Variants in MORF4L1 observed in about 807,000 individuals in gnomAD.
The protein encoded by MORF4L1 is mortality factor 4 like 1, also known as mortality factor 4-like protein 1.
Under a neutral mutation model 52.9 loss-of-function variants are expected in MORF4L1, and 4 were observed. That is an observed-to-expected ratio of 0.08 (90% confidence interval 0.04 to 0.17). MORF4L1 has a LOEUF of 0.17. MORF4L1 is among the 10% of genes least tolerant of loss of function. The pLI is 1.00. For synonymous variants in MORF4L1, 123 were observed against 134.8 expected, an observed-to-expected ratio of 0.91 and a Z score of 0.61; for missense variants, 214 against 390.4, an observed-to-expected ratio of 0.55 and a Z score of 3.81.
Position 78,872,954 on chromosome 15 carries a change from G to T in MORF4L1, c.-64G>T. On this transcript the variant is annotated 5_prime_UTR_variant, in exon 1 of 12. Coordinates refer to ENST00000426013, the MANE Select transcript of MORF4L1 (RefSeq NM_006791.4). ...CGCGTCTGACGCGGAGTTGGGTGGG[G>T]TAGAGAGTAGGGGGCGGTAGTCGGG... 6.5e-7 allele frequency: 1 copy of T among 1,538,254 alleles called. No homozygotes were observed. The highest frequency in any genetic ancestry group is 8.8e-7 in the Non-Finnish European group (1 of 1,142,452).
rs79924372 is a variant in MORF4L1 at position 78,882,197 on chromosome 15, C to T, written c.155+1618C>T. On this transcript the variant is annotated intron_variant, in intron 3 of 11. Transcript: ENST00000426013. ...ATCAGTGAGGTGTGGTGGTGTGCAC[C>T]TGTAGCTACTTGGAAGGCTGAGGCA... Among the ~76,000 whole-genome samples, 863 of 152,206 alleles carry T rather than the reference C, an allele frequency of 5.7e-3. 5 individuals are homozygous for T. Among genetic ancestry groups the T allele is most frequent in the African/African-American group, 0.019 (802 of 41,522 alleles).
In MORF4L1 at chr15:78,884,012, TG is replaced by T. The variant is rs570182604; in HGVS notation, c.156-2127del. On this transcript the variant is annotated intron_variant, in intron 3 of 11. Coordinates refer to ENST00000426013, the MANE Select transcript of MORF4L1 (RefSeq NM_006791.4). ...CAAGGTCAGGAGTTCTAGACCAGCCTGGCCAACATGATGAAATCCCGTCTCT... is the reference window on the plus strand; with the variant it reads ...CAAGGTCAGGAGTTCTAGACCAGCCTGCCAACATGATGAAATCCCGTCTCT... Among the ~76,000 whole-genome samples the T allele has an allele frequency of 7.5e-4, 114 of 151,550 alleles. No homozygotes were observed. The East Asian group carries it at 0.022, about 29-fold the overall frequency.
rs540093259 is a variant in MORF4L1 at position 78,878,310 on chromosome 15, C to T, written c.87+51C>T. On this transcript the variant is annotated intron_variant, in intron 2 of 11. Transcript: ENST00000426013. ...AGTTGGCCAAAACTACTGGTTAGAT[C>T]TGGCCATTTAATATACAAGTACAGT... 4 of 1,543,612 alleles carry T rather than the reference C, an allele frequency of 2.6e-6. No individual in the cohort carries two copies. The South Asian group carries it at 4.7e-5, about 18-fold the overall frequency.
chr15:78,883,655 T>G (rs2056642194), intron 3 of MORF4L1, among the ~76,000 whole-genome samples: 1 of 152,212 alleles, frequency 6.6e-6, no homozygotes, highest in Non-Finnish European at 1.5e-5. Flanking sequence ...ATATTAGAGA[T>G]TTGTTACTAT....
chr15:78,878,299 A>T, intron 2 of MORF4L1, 40 bp downstream of exon 2: 3 of 1,589,942 alleles, frequency 1.9e-6, no homozygotes, highest in South Asian at 1.1e-5. Flanking sequence ...GGCCAAAACT[A>T]CTGGTTAGAT....
chr15:78,880,535 C>T lies in MORF4L1; in HGVS notation c.111C>T (p.Asp37=). ...EAKCVKVAIK[D]KQVKYFIHYS... ...AGTGTGTAAAGGTTGCCATAAAGGA[C>T]AAACAAGTGAAATACTTCATACATT... Residue 37 remains aspartate, a synonymous_variant, in exon 3 of 12, where the codon GAC becomes GAT. Coordinates refer to ENST00000426013, the MANE Select transcript of MORF4L1 (RefSeq NM_006791.4). 1 of 1,599,834 alleles carries T rather than the reference C, an allele frequency of 6.3e-7. No homozygotes were observed. Among genetic ancestry groups the T allele is most frequent in the East Asian group, 2.2e-5 (1 of 44,476 alleles).
intron 3 of MORF4L1, among the ~76,000 whole-genome samples, chr15:78,884,507 C>T (rs187057916): frequency 4.6e-5 from 7 of 150,934 alleles, no homozygotes; most frequent in Non-Finnish European, 1.0e-4. Context: ...GGCGTGGTGG[C>T]GCATGCCTGT....
At chr15:78,886,469 G>A (rs1220152968) in intron 4 of MORF4L1, 2 of 501,226 alleles carry the variant, frequency 4.0e-6, no homozygotes, top group Non-Finnish European at 7.3e-6. Context: ...AATGTTGTTG[G>A]AAATTGCTAT....
Position 78,885,235 on chromosome 15 carries a change from A to G in MORF4L1, c.156-906A>G, listed in dbSNP as rs527398502. 1.5e-4 allele frequency: 83 copies of G among 537,202 alleles called. No individual in the cohort carries two copies. In the African/African-American group the frequency reaches 1.6e-3, roughly 10 times the overall value. 33.3% of individuals were successfully genotyped at this position (537,202 alleles called of 1,614,324 possible). On this transcript the variant is annotated intron_variant, in intron 3 of 11. Coordinates refer to ENST00000426013, the MANE Select transcript of MORF4L1 (RefSeq NM_006791.4). ...TTTTTTTTTGTAATTGGGTGCCTTG[A>G]GAGTACACCTAATTGTGTCACTAAA...
In MORF4L1 at chr15:78,894,097, A is replaced by C. The variant is rs747254514; in HGVS notation, c.669A>C (p.Glu223Asp). ...AVNEVVAGIK[E>D]YFNVMLGTQL... ...ATGAAGTTGTGGCAGGGATAAAAGA[A>C]TACTTCAACGTAATGTTGGGTACCC... is the stretch of plus-strand genomic sequence containing the variant. The change falls in exon 10 of 12, where the codon GAA becomes GAC. Residue 223 changes from glutamate (E) to aspartate (D), a missense_variant. Coordinates refer to ENST00000426013, the MANE Select transcript of MORF4L1 (RefSeq NM_006791.4). 6.2e-7 allele frequency: 1 copy of C among 1,613,730 alleles called. No homozygotes were observed. The highest frequency in any genetic ancestry group is 8.5e-7 in the Non-Finnish European group (1 of 1,179,802).
At position 78,893,295 on chromosome 15, in the gene MORF4L1, A is replaced by G. The variant is rs141144240; in HGVS notation, c.541-244A>G. 5.6e-4 allele frequency among the ~76,000 whole-genome samples: 85 copies of G among 152,304 alleles called. 1 individual carries two copies. Among genetic ancestry groups the G allele is most frequent in the African/African-American group, 2.0e-3 (82 of 41,564 alleles). ...TGTTTAAATATATAGATGCTCCATA[A>G]CTTAGAATGGGGTTACATCGCAATA... is the stretch of plus-strand genomic sequence containing the variant. On this transcript the variant is annotated intron_variant, in intron 8 of 11. Coordinates refer to ENST00000426013, the MANE Select transcript of MORF4L1 (RefSeq NM_006791.4).
Position 78,872,950 on chromosome 15 carries a change from T to C in MORF4L1, c.-68T>C. 7.1e-7 allele frequency: 1 copy of C among 1,408,684 alleles called. No homozygotes were observed. The highest frequency in any genetic ancestry group is 9.3e-7 in the Non-Finnish European group (1 of 1,080,766). The allele number at this position is 1,408,684 out of a possible 1,614,324, so 87.3% of individuals were successfully genotyped here. On this transcript the variant is annotated 5_prime_UTR_variant, in exon 1 of 12. Transcript: ENST00000426013. ...ACGGCGCGTCTGACGCGGAGTTGGGTGGGGTAGAGAGTAGGGGGCGGTAGT... is the reference window on the plus strand; with the variant it reads ...ACGGCGCGTCTGACGCGGAGTTGGGCGGGGTAGAGAGTAGGGGGCGGTAGT...
At chr15:78,878,449 A>T (rs1329500683) in intron 2 of MORF4L1, among the ~76,000 whole-genome samples, 190 bp downstream of exon 2, 3 of 152,194 alleles carry the variant, frequency 2.0e-5, no homozygotes, top group Non-Finnish European at 4.4e-5. Flanking sequence ...GAATTAAAAC[A>T]TTGCTACTCT....
chr15:78,875,221 G>A (rs56281795), intron 1 of MORF4L1, among the ~76,000 whole-genome samples: 19,698 of 152,078 alleles, frequency 0.13, 1,346 homozygotes, highest in East Asian at 0.26. Flanking sequence ...AAAGTTAATC[G>A]CTGCTGTGGG....
At position 78,894,456 on chromosome 15, in the gene MORF4L1, T is replaced by G. The variant is rs577997623; in HGVS notation, c.802+226T>G. Reference sequence around the variant, plus strand: ...GACAGACAGTCTCTGTTGCCCAGGCTGGAGTGCAGTGGTGCGATCTTTGCT... The same window carrying G: ...GACAGACAGTCTCTGTTGCCCAGGCGGGAGTGCAGTGGTGCGATCTTTGCT... On this transcript the variant is annotated intron_variant, in intron 10 of 11. Coordinates refer to ENST00000426013, the MANE Select transcript of MORF4L1 (RefSeq NM_006791.4). 1.6e-3 allele frequency: 611 copies of G among 375,572 alleles called. 4 individuals carry two copies. Among genetic ancestry groups the G allele is most frequent in the African/African-American group, 0.012 (560 of 47,132 alleles). The allele number at this position is 375,572 out of a possible 1,614,324, so 23.3% of individuals were successfully genotyped here. A position where few individuals can be genotyped will look rare whatever the true frequency, so the allele number is the denominator to read the frequency against.
intron 6 of MORF4L1, 38 bp downstream of exon 6, chr15:78,891,052 C>T (rs1315505979): frequency 1.4e-5 from 21 of 1,464,010 alleles, no homozygotes; most frequent in Non-Finnish European, 2.0e-5. Context: ...ATTTATGTTA[C>T]CTCTATGACA....
Position 78,897,642 on chromosome 15 carries a change from C to T in MORF4L1, c.*575C>T, listed in dbSNP as rs3211409. 3.9e-5 allele frequency: 6 copies of T among 152,774 alleles called. No homozygotes were observed. In the South Asian group the frequency reaches 1.0e-3, roughly 26 times the overall value. 9.5% of individuals were successfully genotyped at this position (152,774 alleles called of 1,614,324 possible). On this transcript the variant is annotated 3_prime_UTR_variant, in exon 12 of 12. Transcript: ENST00000426013. ...CTAATGCACGTTTTAACATGATAGA[C>T]GCAATGCATTGTGTAGCTAGTTTTC... is the stretch of plus-strand genomic sequence containing the variant.
chr15:78,881,286 C>T (rs893521085), intron 3 of MORF4L1, among the ~76,000 whole-genome samples: 4 of 147,232 alleles, frequency 2.7e-5, no homozygotes, highest in Non-Finnish European at 3.0e-5. Context: ...ACCTCCGCCT[C>T]AGGGGTTCAG....
chr15:78,876,272 T>TA (rs113433414), intron 1 of MORF4L1, among the ~76,000 whole-genome samples: 4,737 of 146,062 alleles, frequency 0.032, 217 homozygotes, highest in African/African-American at 0.11. Context: ...GTAAACTTGT[T>TA]AAAAAAAAAA....
Sources: allele counts gnomAD v4.1 joint callset (sites outside exome capture counted in the v4.1 genomes callset), GRCh38; gene constraint gnomAD v4.1.1; transcripts MANE v1.5; gene names NCBI Gene and HGNC (gene_info 2026-07-23, HGNC 2026-07-21).